MECOM: variants seen among roughly 807,000 people sequenced by gnomAD.
MECOM encodes the protein MDS1 and EVI1 complex locus, also known as histone-lysine N-methyltransferase MECOM.
Under a neutral mutation model 116.3 loss-of-function variants are expected in MECOM, and 13 were observed. The ratio of observed to expected loss-of-function variants is 0.11; its 90% CI spans 0.07 to 0.18. The LOEUF (loss-of-function observed/expected upper bound fraction) is 0.18, where lower values mean the gene tolerates loss of function less well. Ranked by LOEUF, MECOM falls within the 10% of genes least tolerant of loss-of-function variation. The pLI is 1.00. For missense variants in MECOM, 1,299 were observed against 1,509.0 expected, an observed-to-expected ratio of 0.86 and a Z score of 2.31; for synonymous variants, 528 against 535.2, an observed-to-expected ratio of 0.99 and a Z score of 0.19.
At chr3:169,315,950 A>G (rs1454789575) in intron 2 of MECOM, among the ~76,000 whole-genome samples, 2 of 152,254 alleles carry the variant, frequency 1.3e-5, no homozygotes, top group Non-Finnish European at 2.9e-5. Context: ...CTAAATATTT[A>G]ACAATAAAGT....
At chr3:169,499,346 C>CAAAAA (rs60302997) in intron 1 of MECOM, among the ~76,000 whole-genome samples, 2 of 51,568 alleles carry the variant, frequency 3.9e-5, no homozygotes, top group African/African-American at 1.7e-4. Flanking sequence ...AGATTACCCA[C>CAAAAA]AAAAAAAAAA....
intron 1 of MECOM, among the ~76,000 whole-genome samples, chr3:169,619,096 T>C (rs1171787927): frequency 6.6e-6 from 1 of 152,174 alleles, no homozygotes; most frequent in African/African-American, 2.4e-5. Context: ...TAACAGCAAC[T>C]GGCCTGCAAA....
chr3:169,354,786 T>TCC (rs150076698), intron 2 of MECOM, among the ~76,000 whole-genome samples: 116 of 151,710 alleles, frequency 7.6e-4, no homozygotes, highest in African/African-American at 2.7e-3. Context: ...GTTCAGTTTT[T>TCC]CCCCCCCTTC....
intron 1 of MECOM, among the ~76,000 whole-genome samples, chr3:169,513,605 G>C (rs1756250711): frequency 6.6e-6 from 1 of 152,170 alleles, no homozygotes; most frequent in Non-Finnish European, 1.5e-5. Context: ...AGCGGGTAGA[G>C]GTAGAGGAGG....
At chr3:169,324,837 G>A (rs933527939) in intron 2 of MECOM, among the ~76,000 whole-genome samples, 1 of 152,102 alleles carries the variant, frequency 6.6e-6, no homozygotes, top group Non-Finnish European at 1.5e-5. Flanking sequence ...TTCAACTCTG[G>A]GTACTTTTTA....
chr3:169,453,265 G>T (rs1378127912), intron 1 of MECOM, among the ~76,000 whole-genome samples: 1 of 152,190 alleles, frequency 6.6e-6, no homozygotes, highest in Admixed American at 6.5e-5. Flanking sequence ...TTGTGTTTGG[G>T]ATTTTAACAT....
Position 169,500,588 on chromosome 3 carries a change from AAC to A in MECOM, c.38-119066_38-119065del, listed in dbSNP as rs1027870681. Among the ~76,000 whole-genome samples, 4 of 151,992 alleles carry A rather than the reference AAC, an allele frequency of 2.6e-5. No individual in the cohort carries two copies. The South Asian group carries it at 6.2e-4, about 24-fold the overall frequency. On this transcript the variant is annotated intron_variant, in intron 1 of 16. Coordinates refer to ENST00000651503, the MANE Select transcript of MECOM (RefSeq NM_004991.4). ...AACTTTTTAATAGTTTATACAAAAA[AAC>A]ACATATCATTTTCTATTGCTTTATC...
chr3:169,443,833 T>C (rs1032919135), intron 1 of MECOM, among the ~76,000 whole-genome samples: 2 of 152,220 alleles, frequency 1.3e-5, no homozygotes, highest in Non-Finnish European at 2.9e-5. Flanking sequence ...GTCCAGCTAC[T>C]CTGAACAACT....
At chr3:169,249,394 A>G (rs924082774) in intron 2 of MECOM, among the ~76,000 whole-genome samples, 2 of 152,192 alleles carry the variant, frequency 1.3e-5, no homozygotes, top group Admixed American at 6.5e-5. Context: ...CTGGACTGCT[A>G]TCAACTAAAC....
intron 1 of MECOM, among the ~76,000 whole-genome samples, chr3:169,450,668 T>C (rs1017213051): frequency 2.0e-5 from 3 of 152,136 alleles, no homozygotes; most frequent in Non-Finnish European, 2.9e-5. Flanking sequence ...GCCTTCATTC[T>C]TTACCTCAGA....
intron 1 of MECOM, among the ~76,000 whole-genome samples, chr3:169,429,811 G>A (rs1741310957): frequency 6.6e-6 from 1 of 152,108 alleles, no homozygotes; most frequent in African/African-American, 2.4e-5. Flanking sequence ...CTACGTCAGT[G>A]TATTGTTGTG....
intron 1 of MECOM, among the ~76,000 whole-genome samples, chr3:169,423,012 G>A (rs1740025839): frequency 6.6e-6 from 1 of 152,064 alleles, no homozygotes; most frequent in Non-Finnish European, 1.5e-5. Flanking sequence ...TTGGGGTCAT[G>A]TGTCTACTAG....
rs1411020521 is a variant in MECOM, at chr3:169,383,673, T to G, written c.38-2149A>C. ...CTGTTTAACACTGCTGAGTTTACCT[T>G]CCTGGCAGACCAATTTTCCTGTTTG... is the stretch of plus-strand genomic sequence containing the variant. On this transcript the variant is annotated intron_variant, in intron 1 of 16. Transcript: ENST00000651503. 2.6e-5 allele frequency among the ~76,000 whole-genome samples: 4 copies of G among 152,232 alleles called. No individual in the cohort carries two copies. In the East Asian group the frequency reaches 7.7e-4, roughly 29 times the overall value.
chr3:169,378,204 T>C (rs1404059723), intron 2 of MECOM, among the ~76,000 whole-genome samples: 1 of 150,960 alleles, frequency 6.6e-6, no homozygotes, highest in Non-Finnish European at 1.5e-5. Context: ...GATAACATTA[T>C]GAGAAATACC....
At chr3:169,585,294 C>T (rs1765653648) in intron 1 of MECOM, among the ~76,000 whole-genome samples, 3 of 152,172 alleles carry the variant, frequency 2.0e-5, no homozygotes, top group Admixed American at 1.3e-4. Flanking sequence ...GGGAATGGGA[C>T]AGGCAATTGA....
chr3:169,356,433 C>A (rs536470956), intron 2 of MECOM, among the ~76,000 whole-genome samples: 4 of 151,844 alleles, frequency 2.6e-5, no homozygotes, highest in Admixed American at 2.6e-4. Context: ...ACAAAATCAA[C>A]GTAGTGTAAC....
At chr3:169,272,325 T>C (rs1272868065) in intron 2 of MECOM, among the ~76,000 whole-genome samples, 2 of 152,088 alleles carry the variant, frequency 1.3e-5, no homozygotes, top group Non-Finnish European at 2.9e-5. Flanking sequence ...GGGAGAGACA[T>C]AGGCTCTGGA....
intron 2 of MECOM, among the ~76,000 whole-genome samples, chr3:169,264,160 TG>T (rs1486541533): frequency 2.0e-5 from 3 of 152,162 alleles, no homozygotes; most frequent in Admixed American, 6.6e-5. Flanking sequence ...TCCAAATTCC[TG>T]GGGGAAAATT....
chr3:169,318,127 G>A (rs1013492584), intron 2 of MECOM, among the ~76,000 whole-genome samples: 2 of 152,088 alleles, frequency 1.3e-5, no homozygotes, highest in African/African-American at 4.8e-5. Flanking sequence ...AACTCAAGAT[G>A]GATTAAAGAC....
Sources: allele counts gnomAD v4.1 joint callset (sites outside exome capture counted in the v4.1 genomes callset), GRCh38; gene constraint gnomAD v4.1.1; transcripts MANE v1.5; gene names NCBI Gene and HGNC (gene_info 2026-07-23, HGNC 2026-07-21).